HCRTR2: variants seen among roughly 807,000 people sequenced by gnomAD.
HCRTR2 encodes the protein orexin receptor type 2.
Under a neutral mutation model 49.0 loss-of-function variants are expected in HCRTR2, and 22 were observed. That is an observed-to-expected ratio of 0.45 (90% CI 0.32 to 0.64). The LOEUF is 0.64. Among genes scored for constraint, HCRTR2 ranks in the 30% least tolerant of loss-of-function variants. HCRTR2 has a pLI of 0.04. For synonymous variants in HCRTR2, 236 were observed against 205.3 expected, an observed-to-expected ratio of 1.15 and a Z score of -1.28; for missense variants, 491 against 559.4, an observed-to-expected ratio of 0.88 and a Z score of 1.23.
chr6:55,277,638 C>T (rs757826698), intron 5 of HCRTR2, 38 bp downstream of exon 5: 1 of 1,438,394 alleles, frequency 7.0e-7, no homozygotes. Flanking sequence ...AAATAGCCTG[C>T]CTTTTCTTGA....
intron 1 of HCRTR2, among the ~76,000 whole-genome samples, chr6:55,118,851 A>C (rs905912176): frequency 6.6e-6 from 1 of 151,736 alleles, no homozygotes; most frequent in Non-Finnish European, 1.5e-5. Flanking sequence ...GTTTTCTTAC[A>C]TAGGTATGCA....
At chr6:55,281,230 A>G (rs538245673) in intron 6 of HCRTR2, among the ~76,000 whole-genome samples, 2 of 152,228 alleles carry the variant, frequency 1.3e-5, no homozygotes, top group African/African-American at 4.8e-5. Flanking sequence ...GCATCTTCCA[A>G]CTTGATCTTT....
chr6:55,160,231 C>T (rs1490187079), intron 1 of HCRTR2, among the ~76,000 whole-genome samples: 1 of 152,180 alleles, frequency 6.6e-6, no homozygotes, highest in African/African-American at 2.4e-5. Flanking sequence ...CATATCCAGC[C>T]AAACTATGCT....
chr6:55,185,939 G>T (rs1765210420), intron 1 of HCRTR2, among the ~76,000 whole-genome samples: 1 of 152,278 alleles, frequency 6.6e-6, no homozygotes, highest in South Asian at 2.1e-4. Flanking sequence ...CCTATGACTG[G>T]CTCCTGCTCA....
chr6:55,189,489 A>G lies in HCRTR2; in HGVS notation c.223+14679A>G, dbSNP rs376649010. Among the ~76,000 whole-genome samples the G allele has an allele frequency of 9.8e-5, 15 of 152,334 alleles. No individual in the cohort carries two copies. In the East Asian group the frequency reaches 1.5e-3, roughly 16 times the overall value. On this transcript the variant is annotated intron_variant, in intron 1 of 6. Coordinates refer to ENST00000370862, the MANE Select transcript of HCRTR2 (RefSeq NM_001384272.1). ...GAAAAGAACCTGCTGATTAATATAA[A>G]TTTTCTGCCAAAGAAAGTACAGTGG...
intron 1 of HCRTR2, among the ~76,000 whole-genome samples, chr6:55,228,777 CTTT>C (rs1180062018): frequency 6.6e-6 from 1 of 152,124 alleles, no homozygotes; most frequent in Non-Finnish European, 1.5e-5. Context: ...ATTTTAATCT[CTTT>C]TTCTAGAACA....
chr6:55,193,655 AC>A (rs1447876868), intron 1 of HCRTR2, among the ~76,000 whole-genome samples: 1 of 150,854 alleles, frequency 6.6e-6, no homozygotes, highest in African/African-American at 2.4e-5. Flanking sequence ...TTTCTGTTTT[AC>A]CTATGAAACT....
At chr6:55,153,942 C>T (rs1764697003) in intron 1 of HCRTR2, among the ~76,000 whole-genome samples, 1 of 151,604 alleles carries the variant, frequency 6.6e-6, no homozygotes, top group Admixed American at 6.6e-5. Flanking sequence ...GGAAATGAGA[C>T]AGGAGACATT....
At chr6:55,196,679 A>C (rs773949838) in intron 1 of HCRTR2, among the ~76,000 whole-genome samples, 2 of 152,166 alleles carry the variant, frequency 1.3e-5, no homozygotes, top group Admixed American at 1.3e-4. Flanking sequence ...GAACCAACCT[A>C]TATGATTCAG....
intron 1 of HCRTR2, among the ~76,000 whole-genome samples, chr6:55,177,725 G>T (rs139314349): frequency 7.0e-4 from 107 of 152,126 alleles, no homozygotes; most frequent in African/African-American, 2.4e-3. Flanking sequence ...ATATGCTGTG[G>T]GTAGCATAAC....
In HCRTR2 at chr6:55,174,764, C is replaced by T. The variant is rs539145798; in HGVS notation, c.177C>T (p.Ala59=). ...AAGAATATGAGTGGGTCCTGATCGCCGGGTACATCATCGTGTTCGTCGTGG... is the reference window on the plus strand; with the variant it reads ...AAGAATATGAGTGGGTCCTGATCGCTGGGTACATCATCGTGTTCGTCGTGG... The part of the protein sequence containing the change: ...HPKEYEWVLI[A]GYIIVFVVAL... Residue 59 remains alanine, a synonymous_variant, in exon 1 of 7, where the codon GCC becomes GCT. Transcript: ENST00000370862. The T allele has an allele frequency of 1.9e-6, 3 of 1,613,880 alleles. No individual in the cohort carries two copies. The South Asian group carries it at 3.3e-5, about 18-fold the overall frequency.
At chr6:55,274,201 GTTCT>G (rs1479902236) in intron 4 of HCRTR2, among the ~76,000 whole-genome samples, 1 of 144,484 alleles carries the variant, frequency 6.9e-6, no homozygotes, top group Non-Finnish European at 1.5e-5. Context: ...TTATTTAGGA[GTTCT>G]TTATTATCTC....
chr6:55,283,753 G>A (rs1303327377), downstream of HCRTR2, among the ~76,000 whole-genome samples: 1 of 152,012 alleles, frequency 6.6e-6, no homozygotes, highest in Non-Finnish European at 1.5e-5. Context: ...AAGATATGGG[G>A]CACAGTGTTT....
intron 1 of HCRTR2, among the ~76,000 whole-genome samples, chr6:55,220,222 TG>T (rs1418682054): frequency 6.6e-6 from 1 of 152,148 alleles, no homozygotes; most frequent in Non-Finnish European, 1.5e-5. Context: ...GATACCAAAA[TG>T]AGATAAAGAT....
intron 1 of HCRTR2, among the ~76,000 whole-genome samples, chr6:55,149,179 T>C (rs557346196): frequency 1.1e-3 from 173 of 152,246 alleles, no homozygotes; most frequent in African/African-American, 3.6e-3. Context: ...CTTCTAAAGC[T>C]GTTTTATTTT....
intron 1 of HCRTR2, among the ~76,000 whole-genome samples, chr6:55,205,942 G>C (rs981638221): frequency 1.3e-5 from 2 of 151,752 alleles, no homozygotes; most frequent in African/African-American, 4.8e-5. Flanking sequence ...AACATCTCAT[G>C]TACCCCATAA....
intron 1 of HCRTR2, among the ~76,000 whole-genome samples, chr6:55,112,295 G>T (rs1254754165): frequency 6.6e-6 from 1 of 151,872 alleles, no homozygotes; most frequent in African/African-American, 2.4e-5. Flanking sequence ...TTTAGCCGGA[G>T]CAATTAGACA....
At chr6:55,191,608 G>C (rs887285127) in intron 1 of HCRTR2, among the ~76,000 whole-genome samples, 2 of 151,988 alleles carry the variant, frequency 1.3e-5, no homozygotes, top group African/African-American at 2.4e-5. Context: ...AATGTCAGGA[G>C]TTATTGGTCA....
Position 55,248,962 on chromosome 6 carries a change from C to A in HCRTR2, c.402+145C>A, listed in dbSNP as rs868456394. 1.5e-5 allele frequency: 11 copies of A among 724,440 alleles called. No homozygotes were observed. In the Middle Eastern group the frequency reaches 9.3e-4, roughly 61 times the overall value. The allele number at this position is 724,440 out of a possible 1,614,324, so 44.9% of individuals were successfully genotyped here. The stretch of plus-strand genomic sequence containing the variant: ...GAAGGAAAATAATACTTGAGAATTT[C>A]TGGAGAAATAAGTTAAGTTCTGGGT... On this transcript the variant is annotated intron_variant, in intron 2 of 6. Coordinates refer to ENST00000370862, the MANE Select transcript of HCRTR2 (RefSeq NM_001384272.1).
Sources: gnomAD v4.1 joint callset for allele counts (sites outside exome capture counted in the v4.1 genomes callset) on GRCh38, gnomAD v4.1.1 for gene constraint, MANE v1.5 for transcripts, NCBI Gene and HGNC (gene_info 2026-07-23, HGNC 2026-07-21) for gene names.